The following XKR9 variants were observed in gnomAD, a reference collection of about 807,000 sequenced individuals.
The protein encoded by XKR9 is XK related 9, also known as XK-related protein 9.
Under a neutral mutation model 32.0 loss-of-function variants are expected in XKR9, and 32 were observed. The ratio of observed to expected loss-of-function variants is 1.00; its 90% CI spans 0.76 to 1.34. XKR9 has a LOEUF of 1.34. XKR9 is among the 40% of genes most tolerant of loss of function. XKR9 has a pLI of 0.00. For synonymous variants in XKR9, 168 were observed against 143.4 expected (o/e 1.17, Z -1.22); for missense variants, 546 against 429.7 (o/e 1.27, Z -2.39).
the XKR9 span, among the ~76,000 whole-genome samples, chr8:70,943,254 T>C: frequency 6.6e-6 from 1 of 152,136 alleles, no homozygotes; most frequent in Non-Finnish European, 1.5e-5. Context: ...TAATAAATAT[T>C]TGGTTTTCCA....
At chr8:70,749,473 C>T (rs1176187082) in intron 2 of XKR9, among the ~76,000 whole-genome samples, 2 of 152,228 alleles carry the variant, frequency 1.3e-5, no homozygotes, top group East Asian at 3.9e-4. Flanking sequence ...GATGTTGCTG[C>T]CTGCAGCAGA....
chr8:70,696,842 A>C (rs1805297399), intron 3 of XKR9, among the ~76,000 whole-genome samples: 1 of 150,864 alleles, frequency 6.6e-6, no homozygotes, highest in Non-Finnish European at 1.5e-5. Flanking sequence ...GTTTGTTTGT[A>C]TCCTCTTTTA....
the XKR9 span, among the ~76,000 whole-genome samples, chr8:70,856,093 C>G: frequency 6.6e-6 from 1 of 152,170 alleles, no homozygotes; most frequent in Non-Finnish European, 1.5e-5. Flanking sequence ...AACCAGCTAA[C>G]ATCATAATGA....
At chr8:71,036,116 A>G in the XKR9 span, among the ~76,000 whole-genome samples, 4 of 152,296 alleles carry the variant, frequency 2.6e-5, no homozygotes, top group East Asian at 5.8e-4. Context: ...CTCCTGTGCC[A>G]TGTAAACTTA....
chr8:70,840,940 T>C, the XKR9 span, among the ~76,000 whole-genome samples: 2 of 152,200 alleles, frequency 1.3e-5, no homozygotes, highest in Non-Finnish European at 2.9e-5. Context: ...AGATGTCTCT[T>C]ATGAAAGTAA....
chr8:70,823,547 G>A, the XKR9 span, among the ~76,000 whole-genome samples: 1 of 152,042 alleles, frequency 6.6e-6, no homozygotes, highest in African/African-American at 2.4e-5. Context: ...TTCTTTTTCT[G>A]CTTATCTCTG....
chr8:70,776,378 A>G (rs1807520518), intron 2 of XKR9, among the ~76,000 whole-genome samples: 1 of 152,012 alleles, frequency 6.6e-6, no homozygotes, highest in African/African-American at 2.4e-5. Flanking sequence ...CCTTTTTTTA[A>G]GTGTCTGTAG....
the XKR9 span, among the ~76,000 whole-genome samples, chr8:70,847,959 T>C: frequency 6.6e-6 from 1 of 152,098 alleles, no homozygotes; most frequent in East Asian, 1.9e-4. Context: ...TATTTCTAAC[T>C]TATTCTACAA....
At chr8:70,872,982 C>T in the XKR9 span, among the ~76,000 whole-genome samples, 43 of 152,242 alleles carry the variant, frequency 2.8e-4, no homozygotes, top group Non-Finnish European at 5.9e-4. Flanking sequence ...TAGGTTGAAG[C>T]TAGTGCTTAT....
chr8:70,987,202 C>CA, the XKR9 span, among the ~76,000 whole-genome samples: 1 of 152,162 alleles, frequency 6.6e-6, no homozygotes, highest in Non-Finnish European at 1.5e-5. Flanking sequence ...CTCATGTCCT[C>CA]ATATTTCAAA....
intron 2 of XKR9, among the ~76,000 whole-genome samples, chr8:70,777,959 T>G (rs1049658771): frequency 6.6e-6 from 1 of 152,312 alleles, no homozygotes; most frequent in Admixed American, 6.5e-5. Context: ...TTAGTTAAAT[T>G]AGATCCCATT....
chr8:70,774,192 C>T (rs1353015941), intron 2 of XKR9, among the ~76,000 whole-genome samples: 3 of 152,196 alleles, frequency 2.0e-5, no homozygotes, highest in South Asian at 2.1e-4. Flanking sequence ...CTACTTCAAC[C>T]GATACTTTCA....
chr8:70,776,923 T>TCTCTC lies in XKR9; in HGVS notation n.353-12416_353-12415insCTCTC, dbSNP rs1563477157. Among the ~76,000 whole-genome samples, 100 of 59,564 alleles carry TCTCTC rather than the reference T, an allele frequency of 1.7e-3. 3 individuals are homozygous for TCTCTC. Among genetic ancestry groups the TCTCTC allele is most frequent in the Non-Finnish European group, 2.0e-3 (63 of 31,082 alleles). 39.1% of individuals were successfully genotyped at this position (59,564 alleles called of 152,430 possible). Reference sequence around the variant, plus strand: ...TGCATTTAGCAGGTTTTCTCTTTCTTTCTCTCTCTCTCTCTCTCTCTCTCT... The same window carrying TCTCTC: ...TGCATTTAGCAGGTTTTCTCTTTCTTCTCTCTCTCTCTCTCTCTCTCTCTCTCTCT... On this transcript the variant is annotated intron_variant and non_coding_transcript_variant, in intron 2 of 3. Transcript: ENST00000520273.
chr8:70,967,065 C>CTTTTTT, the XKR9 span, among the ~76,000 whole-genome samples: 5 of 101,282 alleles, frequency 4.9e-5, no homozygotes, highest in Admixed American at 1.0e-4. Flanking sequence ...GATCTTGACT[C>CTTTTTT]TTTTTTTTTT....
the XKR9 span, among the ~76,000 whole-genome samples, chr8:71,045,103 G>A: frequency 3.9e-5 from 6 of 152,148 alleles, no homozygotes; most frequent in African/African-American, 7.2e-5. Flanking sequence ...AGTAAATATA[G>A]TTTTACGAAA....
chr8:70,705,327 T>C (rs1160592131), intron 3 of XKR9, among the ~76,000 whole-genome samples: 1 of 152,128 alleles, frequency 6.6e-6, no homozygotes, highest in Admixed American at 6.6e-5. Flanking sequence ...GTAAAGATAA[T>C]AAACAAAAAT....
chr8:70,807,409 A>T, the XKR9 span, among the ~76,000 whole-genome samples: 2 of 152,192 alleles, frequency 1.3e-5, no homozygotes, highest in African/African-American at 4.8e-5. Context: ...ATTCACTCAT[A>T]ACAATACTAA....
the XKR9 span, among the ~76,000 whole-genome samples, chr8:70,881,467 C>T: frequency 2.0e-5 from 3 of 152,130 alleles, no homozygotes; most frequent in East Asian, 5.8e-4. Flanking sequence ...TATGAACAGA[C>T]ACTTCTCAAA....
chr8:70,680,922 C>A lies in XKR9; in HGVS notation c.-137C>A. ...GTGTTCCCATTTCATAATATTTATT[C>A]TTTCTTCTAAATAGATTTAGGGAGT... On this transcript the variant is annotated 5_prime_UTR_variant, in exon 3 of 5. Transcript: ENST00000408926. 3 of 762,670 alleles carry A rather than the reference C, an allele frequency of 3.9e-6. No homozygotes were observed. The highest frequency in any genetic ancestry group is 2.8e-5 in the East Asian group (1 of 35,976). The allele number at this position is 762,670 out of a possible 1,614,324, so 47.2% of individuals were successfully genotyped here. A position where few individuals can be genotyped will look rare whatever the true frequency, so the allele number is the denominator to read the frequency against.
Sources: gnomAD v4.1 joint callset for allele counts (sites outside exome capture counted in the v4.1 genomes callset) on GRCh38, gnomAD v4.1.1 for gene constraint, MANE v1.5 for transcripts, NCBI Gene and HGNC (gene_info 2026-07-23, HGNC 2026-07-21) for gene names.